SERINC5: variants seen among roughly 807,000 people sequenced by gnomAD.
The protein encoded by SERINC5 is serine incorporator 5, also known as chromosome 5 open reading frame 12.
SERINC5 carries 41 observed loss-of-function variants against 63.1 expected under a neutral mutation model. The ratio of observed to expected loss-of-function variants is 0.65; its 90% CI spans 0.51 to 0.84. The LOEUF is 0.84. Ranked by LOEUF, SERINC5 falls within the 40% of genes least tolerant of loss-of-function variation. The probability of loss-of-function intolerance (pLI) is 0.00; values close to 1 mark genes in which losing one functional copy is unlikely to be tolerated. For synonymous variants in SERINC5, 222 were observed against 215.2 expected (o/e 1.03, Z -0.28); for missense variants, 523 against 573.0 (o/e 0.91, Z 0.89).
intron 1 of SERINC5, among the ~76,000 whole-genome samples, chr5:80,233,474 T>C (rs10462369): frequency 0.16 from 23,620 of 151,428 alleles, 1,966 homozygotes; most frequent in East Asian, 0.26. Context: ...CTAATAGCCA[T>C]TTTAGGATAA....
intron 4 of SERINC5, among the ~76,000 whole-genome samples, chr5:80,175,498 C>A (rs1378426987): frequency 1.3e-5 from 2 of 152,148 alleles, no homozygotes; most frequent in Non-Finnish European, 2.9e-5. Context: ...GGACTCGGTT[C>A]GACTTCTGGC....
At chr5:80,189,184 A>C (rs76362862) in intron 2 of SERINC5, among the ~76,000 whole-genome samples, 11 of 152,174 alleles carry the variant, frequency 7.2e-5, no homozygotes, top group Non-Finnish European at 1.5e-4. Context: ...CAAACTCTCC[A>C]TAAGAAGGGT....
At chr5:80,151,009 G>C (rs1746148388) in intron 8 of SERINC5, 61 bp from the exon 9 acceptor site, 1 of 1,268,148 alleles carries the variant, frequency 7.9e-7, no homozygotes, top group South Asian at 1.2e-5. Flanking sequence ...ATGGAATGAA[G>C]GGGAAAGCCG....
intron 4 of SERINC5, among the ~76,000 whole-genome samples, chr5:80,175,874 AAAAAAAAAAAAG>A (rs1274260809): frequency 7.0e-6 from 1 of 143,868 alleles, no homozygotes; most frequent in Non-Finnish European, 1.5e-5. Flanking sequence ...AAAAAAAAAA[AAAAAAAAAAAAG>A]GACTGAGCTT....
At chr5:80,173,838 T>C (rs1747840700) in intron 5 of SERINC5, among the ~76,000 whole-genome samples, 1 of 151,938 alleles carries the variant, frequency 6.6e-6, no homozygotes, top group Non-Finnish European at 1.5e-5. Context: ...ATTATATTCC[T>C]CCCTTTTTAA....
At chr5:80,234,979 G>GTA (rs1751619550) in intron 1 of SERINC5, among the ~76,000 whole-genome samples, 1 of 152,056 alleles carries the variant, frequency 6.6e-6, no homozygotes, top group African/African-American at 2.4e-5. Context: ...ACTTTTAAGT[G>GTA]TACAGTTCAG....
chr5:80,137,731 C>T (rs972810472), downstream of SERINC5, among the ~76,000 whole-genome samples: 2 of 150,634 alleles, frequency 1.3e-5, no homozygotes, highest in African/African-American at 2.4e-5. Context: ...TGCTTGAGGT[C>T]GGGAGTTTAA....
intron 2 of SERINC5, 29 bp downstream of exon 2, chr5:80,202,857 T>C (rs909623354): frequency 4.4e-6 from 7 of 1,584,434 alleles, no homozygotes; most frequent in Middle Eastern, 1.7e-4. Context: ...ACATCGGAAA[T>C]AGGACGAGCT....
At chr5:80,201,119 C>A (rs4704633) in intron 2 of SERINC5, among the ~76,000 whole-genome samples, 18,064 of 151,860 alleles carry the variant, frequency 0.12, 1,869 homozygotes, top group East Asian at 0.49. Context: ...ACAAAAAAAT[C>A]ATCAATCAAT....
rs920683333 is a variant in SERINC5 at position 80,140,489 on chromosome 5, C to T, written c.*3174G>A. The T allele has an allele frequency of 1.0e-6, 1 of 984,912 alleles. No homozygotes were observed. Among genetic ancestry groups the T allele is most frequent in the African/African-American group, 1.7e-5 (1 of 57,194 alleles). The allele number at this position is 984,912 out of a possible 1,614,324, so 61.0% of individuals were successfully genotyped here. A position where few individuals can be genotyped will look rare whatever the true frequency, so the allele number is the denominator to read the frequency against. ...CTCCACCCTCCCCACAACCCACCCC[C>T]ACTCTATCTCCCCTTCAAAGAGGCT... On this transcript the variant is annotated 3_prime_UTR_variant, in exon 12 of 12. Coordinates refer to ENST00000507668, the MANE Select transcript of SERINC5 (RefSeq NM_001174072.3).
At chr5:80,116,073 T>C in intron 11 of SERINC5, 1 of 342,092 alleles carries the variant, frequency 2.9e-6, no homozygotes, top group Non-Finnish European at 5.7e-6. Flanking sequence ...CTGGGGCTGA[T>C]GGATGAGGGG....
In SERINC5 at chr5:80,145,562, GA is replaced by G. The variant is rs540044695; in HGVS notation, c.1238+527del. ...AAAAAGATACACAAAATTTGAAGTA[GA>G]AAAAAAAGGGATATTTTCTCTTTCT... On this transcript the variant is annotated intron_variant, in intron 11 of 11. Transcript: ENST00000507668. 8.0e-3 allele frequency among the ~76,000 whole-genome samples: 1,212 copies of G among 151,564 alleles called. 14 individuals carry two copies. The highest frequency in any genetic ancestry group is 0.026 in the African/African-American group (1,060 of 41,378).
At chr5:80,116,025 C>T (rs1040564739) in intron 11 of SERINC5, 2 of 285,832 alleles carry the variant, frequency 7.0e-6, no homozygotes, top group South Asian at 6.8e-5. Context: ...AAGAAATCAA[C>T]AATCAGGCCT....
chr5:80,255,698 T>TC (rs1752638553), intron 1 of SERINC5, among the ~76,000 whole-genome samples, 198 bp downstream of exon 1: 1 of 152,036 alleles, frequency 6.6e-6, no homozygotes, highest in South Asian at 2.1e-4. Flanking sequence ...CTCTCGGGCT[T>TC]CCCCCTGCCC....
chr5:80,169,660 A>G (rs1747525087), intron 5 of SERINC5, 114 bp from the exon 6 acceptor site: 4 of 736,046 alleles, frequency 5.4e-6, no homozygotes, highest in Non-Finnish European at 9.1e-6. Flanking sequence ...TACAGGCCAC[A>G]GGCACTGGTA....
rs987738027 is a variant in SERINC5, at chr5:80,139,958, T to A, written c.*3705A>T. On this transcript the variant is annotated 3_prime_UTR_variant, in exon 12 of 12. Transcript: ENST00000507668. ...AGTGTAAAAGCCTAGGTAGCTTAAATACAGGCTCTGGAATTTCCTTCGCAG... is the reference window on the plus strand; with the variant it reads ...AGTGTAAAAGCCTAGGTAGCTTAAAAACAGGCTCTGGAATTTCCTTCGCAG... 15 of 985,356 alleles carry A rather than the reference T, an allele frequency of 1.5e-5. No homozygotes were observed. Among genetic ancestry groups the A allele is most frequent in the Non-Finnish European group, 1.7e-5 (14 of 829,890 alleles). 61.0% of individuals were successfully genotyped at this position (985,356 alleles called of 1,614,324 possible).
chr5:80,118,309 T>C (rs527691272), intron 11 of SERINC5, among the ~76,000 whole-genome samples: 47 of 152,274 alleles, frequency 3.1e-4, no homozygotes, highest in African/African-American at 1.1e-3. Flanking sequence ...TTCTGGAAAT[T>C]AGGATGTAGA....
intron 7 of SERINC5, among the ~76,000 whole-genome samples, chr5:80,164,647 G>A (rs1193309611): frequency 6.6e-6 from 1 of 152,034 alleles, no homozygotes; most frequent in Non-Finnish European, 1.5e-5. Context: ...ACCTCCCAAA[G>A]TGCTAGGATT....
chr5:80,178,044 C>A lies in SERINC5; in HGVS notation c.216G>T (p.Met72Ile), dbSNP rs1335498777. Residue 72 changes from methionine to isoleucine, a missense_variant, in exon 3 of 12, where the codon ATG becomes ATT. Physicochemically the swap from Met to Ile is conservative, Grantham distance 10. Transcript: ENST00000507668. ...MKEHIPFFED[M>I]CKGIKAGDTC... ...TGTCACCAGCTTTAATGCCTTTACA[C>A]ATATCTTCAAAAAAAGGAATCTGAG... 2 of 1,598,290 alleles carry A rather than the reference C, an allele frequency of 1.3e-6. No homozygotes were observed. Among genetic ancestry groups the A allele is most frequent in the Admixed American group, 1.8e-5 (1 of 55,596 alleles).
Sources: allele counts gnomAD v4.1 joint callset (sites outside exome capture counted in the v4.1 genomes callset), GRCh38; gene constraint gnomAD v4.1.1; transcripts MANE v1.5; gene names NCBI Gene and HGNC (gene_info 2026-07-23, HGNC 2026-07-21).